Variants in CYTH3 observed in about 807,000 individuals in gnomAD.
CYTH3 encodes the protein cytohesin-3.
A neutral mutation model predicts 55.1 loss-of-function variants in CYTH3; 23 were observed. That is an observed-to-expected ratio of 0.42 (90% CI 0.30 to 0.59). CYTH3 has a LOEUF of 0.59. CYTH3 is among the 20% of genes least tolerant of loss of function. The pLI, the probability that CYTH3 is intolerant of heterozygous loss-of-function variation, is 0.20. For missense variants in CYTH3, 413 were observed against 524.8 expected (o/e 0.79, Z 2.08); for synonymous variants, 249 against 194.9 (o/e 1.28, Z -2.31).
At chr7:6,213,177 C>CA (rs1463310738) in intron 1 of CYTH3, among the ~76,000 whole-genome samples, 2 of 152,210 alleles carry the variant, frequency 1.3e-5, no homozygotes, top group African/African-American at 4.8e-5. Context: ...AGTGGGAACT[C>CA]AGAGATATCT....
chr7:6,184,955 GTGTGCT>G lies in CYTH3; in HGVS notation c.249+2089_249+2094del, dbSNP rs1219485429. 2.6e-5 allele frequency among the ~76,000 whole-genome samples: 4 copies of G among 152,110 alleles called. No homozygotes were observed. In the South Asian group the frequency reaches 8.3e-4, roughly 32 times the overall value. ...TTAGAATTTATCCATGAACTTACTG[GTGTGCT>G]GCCCTGTGCTGCACTACTTGGGTCC... On this transcript the variant is annotated intron_variant, in intron 4 of 12. Coordinates refer to ENST00000350796, the MANE Select transcript of CYTH3 (RefSeq NM_004227.4).
intron 1 of CYTH3, among the ~76,000 whole-genome samples, chr7:6,243,422 G>A (rs934065794): frequency 5.3e-5 from 8 of 152,210 alleles, no homozygotes; most frequent in Admixed American, 1.3e-4. Flanking sequence ...GGGGCAGGAT[G>A]GGGGTGGGGA....
chr7:6,193,000 G>A (rs1783839157), intron 1 of CYTH3, among the ~76,000 whole-genome samples: 1 of 151,598 alleles, frequency 6.6e-6, no homozygotes, highest in Non-Finnish European at 1.5e-5. Context: ...GTGAAACCCC[G>A]TCTCTACTAA....
intron 1 of CYTH3, among the ~76,000 whole-genome samples, chr7:6,227,005 G>C (rs575536612): frequency 6.6e-6 from 1 of 151,952 alleles, no homozygotes; most frequent in East Asian, 1.9e-4. Context: ...GTGTGAACCC[G>C]GGAGGCGGAG....
rs1204283174 is a variant in CYTH3, at chr7:6,179,386, T to G, written c.250-1445A>C. On this transcript the variant is annotated intron_variant, in intron 4 of 12. Coordinates refer to ENST00000350796, the MANE Select transcript of CYTH3 (RefSeq NM_004227.4). Reference sequence around the variant, plus strand: ...GGCATCAGAAAGGTGCCCTGTAATATTCTACAACTGCGGCTTGTTCTGGGT... The same window carrying G: ...GGCATCAGAAAGGTGCCCTGTAATAGTCTACAACTGCGGCTTGTTCTGGGT... Among the ~76,000 whole-genome samples the G allele has an allele frequency of 2.0e-5, 3 of 148,136 alleles. No individual in the cohort carries two copies. The East Asian group carries it at 5.8e-4, about 29-fold the overall frequency.
intron 5 of CYTH3, among the ~76,000 whole-genome samples, chr7:6,177,563 G>A (rs1562880210): frequency 6.6e-6 from 1 of 152,266 alleles, no homozygotes; most frequent in Non-Finnish European, 1.5e-5. Flanking sequence ...TGTCAGTTCT[G>A]TTGTGGCTCC....
At chr7:6,241,726 T>A (rs1267151083) in intron 1 of CYTH3, among the ~76,000 whole-genome samples, 1 of 151,466 alleles carries the variant, frequency 6.6e-6, no homozygotes, top group Admixed American at 6.6e-5. Context: ...AAAAAAGTGG[T>A]GGGGTTGCAG....
chr7:6,265,632 A>AG (rs1188746688), intron 1 of CYTH3, among the ~76,000 whole-genome samples: 4 of 151,724 alleles, frequency 2.6e-5, no homozygotes, highest in Non-Finnish European at 5.9e-5. Context: ...AAAAAAAAAA[A>AG]AAAGAAGAAG....
chr7:6,205,710 GA>G (rs1165777950), intron 1 of CYTH3, among the ~76,000 whole-genome samples: 1 of 151,662 alleles, frequency 6.6e-6, no homozygotes, highest in Non-Finnish European at 1.5e-5. Flanking sequence ...GGCCCTGTCT[GA>G]AAAAAGCCAA....
At chr7:6,218,960 G>A (rs1784485769) in intron 1 of CYTH3, among the ~76,000 whole-genome samples, 1 of 141,520 alleles carries the variant, frequency 7.1e-6, no homozygotes, top group Non-Finnish European at 1.5e-5. Flanking sequence ...AGCCGACACT[G>A]TGCCACTGTA....
intron 1 of CYTH3, among the ~76,000 whole-genome samples, chr7:6,225,968 G>A (rs754489448): frequency 3.3e-5 from 5 of 152,114 alleles, no homozygotes; most frequent in Non-Finnish European, 7.4e-5. Flanking sequence ...TTACAGGTGT[G>A]AGCCACCACA....
At position 6,167,948 on chromosome 7, in the gene CYTH3, G is replaced by T. The variant is rs1054087971; in HGVS notation, c.824-2138C>A. The stretch of plus-strand genomic sequence containing the variant: ...CCTGTCCAGTCCTCAGGGCCAGGGG[G>T]TCGTTGCAGACCAGGACTGCAGGCC... On this transcript the variant is annotated intron_variant, in intron 9 of 12. Coordinates refer to ENST00000350796, the MANE Select transcript of CYTH3 (RefSeq NM_004227.4). The surrounding 1 kb of genome is among the most constrained non-coding windows in gnomAD (Gnocchi z 5.5). Among the ~76,000 whole-genome samples the T allele has an allele frequency of 2.6e-5, 4 of 152,212 alleles. No homozygotes were observed. Among genetic ancestry groups the T allele is most frequent in the Non-Finnish European group, 4.4e-5 (3 of 68,036 alleles).
chr7:6,190,053 A>C (rs1414897440), intron 2 of CYTH3, among the ~76,000 whole-genome samples: 2 of 152,280 alleles, frequency 1.3e-5, no homozygotes, highest in East Asian at 3.9e-4. Flanking sequence ...CAAAAAGAAA[A>C]AAACAAACAA....
At chr7:6,257,409 G>A (rs1202952797) in intron 1 of CYTH3, among the ~76,000 whole-genome samples, 2 of 152,112 alleles carry the variant, frequency 1.3e-5, no homozygotes, top group South Asian at 2.1e-4. Flanking sequence ...TTTCCTCTCT[G>A]TAAAGAACTA....
intron 1 of CYTH3, among the ~76,000 whole-genome samples, chr7:6,226,193 G>A (rs1283975672): frequency 6.6e-6 from 1 of 152,282 alleles, no homozygotes; most frequent in Non-Finnish European, 1.5e-5. Context: ...AGGGCTCTGA[G>A]AGGTCTCCCT....
chr7:6,163,180 C>T lies in CYTH3; in HGVS notation c.*1764G>A, dbSNP rs1782889380. On this transcript the variant is annotated 3_prime_UTR_variant, in exon 13 of 13. Coordinates refer to ENST00000350796, the MANE Select transcript of CYTH3 (RefSeq NM_004227.4). The stretch of plus-strand genomic sequence containing the variant: ...TGCAGTCTAGTGTGACTTAAAGCTA[C>T]ATCAAGGTCAGCCGCAGGGAGGCGA... 1 of 152,594 alleles carries T rather than the reference C, an allele frequency of 6.6e-6. No homozygotes were observed. Among genetic ancestry groups the T allele is most frequent in the South Asian group, 2.1e-4 (1 of 4,836 alleles). 9.5% of individuals were successfully genotyped at this position (152,594 alleles called of 1,614,324 possible).
chr7:6,268,314 C>T (rs759490696), intron 1 of CYTH3, among the ~76,000 whole-genome samples: 3 of 152,136 alleles, frequency 2.0e-5, no homozygotes, highest in African/African-American at 4.8e-5. Context: ...ATTACAGGCA[C>T]GCACCACCAC....
chr7:6,258,856 C>T (rs1007016432), intron 1 of CYTH3, among the ~76,000 whole-genome samples: 7 of 152,180 alleles, frequency 4.6e-5, no homozygotes, highest in African/African-American at 1.4e-4. Flanking sequence ...CAATAATTAC[C>T]GCTTTGATGA....
intron 1 of CYTH3, among the ~76,000 whole-genome samples, chr7:6,241,456 C>T (rs6946205): frequency 0.18 from 27,466 of 152,188 alleles, 6,355 homozygotes; most frequent in African/African-American, 0.54. Context: ...GGCAATCTCA[C>T]ACATTGTTGA....
Sources: gnomAD v4.1 joint callset for allele counts (sites outside exome capture counted in the v4.1 genomes callset) on GRCh38, gnomAD v4.1.1 for gene constraint, Gnocchi (gnomAD v3.1) non-coding constraint, MANE v1.5 for transcripts, NCBI Gene and HGNC (gene_info 2026-07-23, HGNC 2026-07-21) for gene names.